The following SWT1 variants were observed in gnomAD, a reference collection of about 807,000 sequenced individuals.
SWT1 encodes the protein SWT1 RNA endoribonuclease homolog.
In SWT1, 33 loss-of-function variants were observed where a neutral mutation model predicts 107.3. The ratio of observed to expected loss-of-function variants is 0.31; its 90% CI spans 0.23 to 0.41. The LOEUF (loss-of-function observed/expected upper bound fraction) is 0.41, where lower values mean the gene tolerates loss of function less well. Ranked by LOEUF, SWT1 falls within the 10% of genes least tolerant of loss-of-function variation. The probability of loss-of-function intolerance (pLI) is 1.00; values close to 1 mark genes in which losing one functional copy is unlikely to be tolerated. For missense variants in SWT1, 898 were observed against 1,028.9 expected (o/e 0.87, Z 1.74); for synonymous variants, 345 against 348.3 (o/e 0.99, Z 0.11).
chr1:185,184,773 G>A lies in SWT1; in HGVS notation c.1271G>A (p.Trp424Ter), dbSNP rs755635561. 6.2e-7 allele frequency: 1 copy of A among 1,609,810 alleles called. No homozygotes were observed. The highest frequency in any genetic ancestry group is 8.5e-7 in the Non-Finnish European group (1 of 1,178,362). Residue 424 changes from tryptophan (W) to a stop codon, truncating the protein, a stop_gained, in exon 9 of 19, where the codon TGG becomes TAG. Transcript: ENST00000367500. LOFTEE classifies it high-confidence loss of function. Reference sequence around the variant, plus strand: ...GACAAACTTGTGTTAATAATTCCCTGGGTCGTTATGCAAGAGCTAGATCGT... The same window carrying A: ...GACAAACTTGTGTTAATAATTCCCTAGGTCGTTATGCAAGAGCTAGATCGT... Reference protein sequence around the residue: ...GFDKLVLIIPWVVMQELDRMK... With the variant: ...GFDKLVLIIP
At chr1:185,290,024 G>C (rs1049732936) in intron 18 of SWT1, among the ~76,000 whole-genome samples, 4 of 152,096 alleles carry the variant, frequency 2.6e-5, no homozygotes, top group African/African-American at 7.2e-5. Flanking sequence ...CAACACTTTT[G>C]GAGGCTAACA....
At position 185,175,062 on chromosome 1, in the gene SWT1, T is replaced by G; in HGVS notation, c.915T>G (p.His305Gln). The G allele has an allele frequency of 6.3e-7, 1 of 1,588,452 alleles. No individual in the cohort carries two copies. The highest frequency in any genetic ancestry group is 8.6e-7 in the Non-Finnish European group (1 of 1,169,256). Reference protein sequence around the residue: ...RTVHEWKRKHHYDHQESNDSH... With the variant: ...RTVHEWKRKHQYDHQESNDSH... ...TTCATGAGTGGAAACGAAAACATCA[T>G]TATGACCATCAAGAAAGTAATGATT... Residue 305 changes from histidine (H) to glutamine (Q), a missense_variant, in exon 5 of 19, where the codon CAT becomes CAG. By Grantham distance (24) the His-to-Gln change is conservative. This residue lies in a region of SWT1 where 382 missense variants were observed against 362.4 expected (regional missense o/e 1.05). Transcript: ENST00000367500.
rs571450391 is a variant in SWT1 at position 185,269,410 on chromosome 1, G to C, written c.2442-1913G>C. ...TTTTGTATTTTAAAATTACTTGTTG[G>C]GAGAAAAACTTTTTCTATGAAATAG... On this transcript the variant is annotated intron_variant, in intron 16 of 18. Coordinates refer to ENST00000367500, the MANE Select transcript of SWT1 (RefSeq NM_017673.7). Among the ~76,000 whole-genome samples, 4 of 145,158 alleles carry C rather than the reference G, an allele frequency of 2.8e-5. No homozygotes were observed. In the East Asian group the frequency reaches 8.3e-4, roughly 30 times the overall value.
Position 185,174,390 on chromosome 1 carries a change from C to A in SWT1, c.243C>A (p.Asp81Glu). ...TTTACAGATTGAGTGTAGAAATTGA[C>A]ACTCTCAGAAGGAGACCAAAAATCG... is the stretch of plus-strand genomic sequence containing the variant. ...QGLKRLSVEI[D>E]TLRRRPKIGS... Residue 81 changes from aspartate (D) to glutamate (E), a missense_variant, in exon 5 of 19, where the codon GAC becomes GAA. By Grantham distance (45) the Asp-to-Glu change is conservative. Transcript: ENST00000367500. The A allele has an allele frequency of 6.4e-7, 1 of 1,550,410 alleles. No individual in the cohort carries two copies.
At chr1:185,162,602 C>T (rs569124527) in intron 2 of SWT1, among the ~76,000 whole-genome samples, 2 of 152,182 alleles carry the variant, frequency 1.3e-5, no homozygotes, top group East Asian at 3.9e-4. Context: ...TCCTTGTGAT[C>T]GTGCTCTACC....
chr1:185,158,490 A>G (rs1430243706), intron 1 of SWT1, among the ~76,000 whole-genome samples: 13 of 151,694 alleles, frequency 8.6e-5, no homozygotes, highest in Admixed American at 7.2e-4. Context: ...GCATCATCCA[A>G]TAATTCTTGT....
At chr1:185,280,868 G>T (rs535466021) in intron 18 of SWT1, 4 of 452,230 alleles carry the variant, frequency 8.8e-6, no homozygotes, top group African/African-American at 8.0e-5. Context: ...GGTGCAGAAG[G>T]TGGTGGTCTA....
intron 16 of SWT1, among the ~76,000 whole-genome samples, chr1:185,265,201 A>C (rs1027992132): frequency 4.6e-4 from 70 of 152,132 alleles, no homozygotes; most frequent in Non-Finnish European, 7.4e-5. Flanking sequence ...GCAAATTTTT[A>C]TCTCTGAAGG....
Position 185,252,751 on chromosome 1 carries a change from T to TAC in SWT1, c.2442-18571_2442-18570insCA, listed in dbSNP as rs1459660455. On this transcript the variant is annotated intron_variant, in intron 16 of 18. Coordinates refer to ENST00000367500, the MANE Select transcript of SWT1 (RefSeq NM_017673.7). ...GTAGGTTGCCTGTTCACTCTGTTGG[T>TAC]AGTTTCTTTTGCTGTACAGAAGCTC... is the stretch of plus-strand genomic sequence containing the variant. Among the ~76,000 whole-genome samples the TAC allele has an allele frequency of 1.1e-4, 16 of 152,350 alleles. No homozygotes were observed. The East Asian group carries it at 2.7e-3, about 26-fold the overall frequency.
intron 16 of SWT1, among the ~76,000 whole-genome samples, chr1:185,268,891 T>C (rs1258435633): frequency 1.1e-4 from 17 of 151,266 alleles, no homozygotes; most frequent in Non-Finnish European, 2.2e-4. Context: ...GTCGCTCTTT[T>C]GCCCAGGCTT....
At chr1:185,253,158 C>A (rs1335449603) in intron 16 of SWT1, among the ~76,000 whole-genome samples, 1 of 144,982 alleles carries the variant, frequency 6.9e-6, no homozygotes, top group Non-Finnish European at 1.5e-5. Context: ...GTTTTGGTAC[C>A]AGTACCATGC....
chr1:185,266,343 C>T (rs962297225), intron 16 of SWT1, among the ~76,000 whole-genome samples: 3 of 152,220 alleles, frequency 2.0e-5, no homozygotes, highest in South Asian at 2.1e-4. Flanking sequence ...GGATTACAGG[C>T]GTGAGCCACC....
intron 4 of SWT1, among the ~76,000 whole-genome samples, chr1:185,170,180 A>G (rs1654926502): frequency 6.6e-6 from 1 of 152,198 alleles, no homozygotes; most frequent in Non-Finnish European, 1.5e-5. Flanking sequence ...GTGGAAACCA[A>G]CTGTAGGCAA....
rs183577911 is a variant in SWT1 at position 185,266,265 on chromosome 1, C to T, written c.2442-5058C>T. On this transcript the variant is annotated intron_variant, in intron 16 of 18. Transcript: ENST00000367500. ...ATTTTTAGTAGACACGGGGTTTCAC[C>T]GTGTTAGCCAGGATGGTCTCGATCT... Among the ~76,000 whole-genome samples, 127 of 152,212 alleles carry T rather than the reference C, an allele frequency of 8.3e-4. 1 individual carries two copies. Among genetic ancestry groups the T allele is most frequent in the East Asian group, 1.4e-3 (7 of 5,172 alleles).
intron 14 of SWT1, among the ~76,000 whole-genome samples, chr1:185,220,948 C>T (rs1163384546): frequency 6.6e-6 from 1 of 152,080 alleles, no homozygotes; most frequent in East Asian, 1.9e-4. Context: ...GTATTGCTTC[C>T]GAGTATTTGT....
chr1:185,185,464 A>G (rs1656389594), intron 9 of SWT1, among the ~76,000 whole-genome samples: 1 of 152,022 alleles, frequency 6.6e-6, no homozygotes, highest in African/African-American at 2.4e-5. Flanking sequence ...GATGTTCTTT[A>G]TGTTTTATAT....
chr1:185,175,059 T>C lies in SWT1; in HGVS notation c.912T>C (p.His304=), dbSNP rs762925211. Residue 304 remains histidine (H), a synonymous_variant, in exon 5 of 19, where the codon CAT becomes CAC. Transcript: ENST00000367500. Reference sequence around the variant, plus strand: ...CTGTTCATGAGTGGAAACGAAAACATCATTATGACCATCAAGAAAGTAATG... The same window carrying C: ...CTGTTCATGAGTGGAAACGAAAACACCATTATGACCATCAAGAAAGTAATG... ...KRTVHEWKRK[H]HYDHQESNDS... 6.3e-7 allele frequency: 1 copy of C among 1,590,404 alleles called. No homozygotes were observed. The highest frequency in any genetic ancestry group is 1.2e-5 in the South Asian group (1 of 86,168).
intron 16 of SWT1, chr1:185,264,402 A>C (rs1483810363): frequency 3.3e-5 from 33 of 985,114 alleles, no homozygotes; most frequent in Non-Finnish European, 3.7e-5. Context: ...ACAAGTCCCC[A>C]AACAGCTTGA....
intron 5 of SWT1, among the ~76,000 whole-genome samples, chr1:185,176,037 C>G (rs1280811371): frequency 6.6e-6 from 1 of 152,042 alleles, no homozygotes; most frequent in Non-Finnish European, 1.5e-5. Flanking sequence ...CGCCTGTAAT[C>G]CCAGTGTTTT....
Sources: allele counts gnomAD v4.1 joint callset (sites outside exome capture counted in the v4.1 genomes callset), GRCh38; gene constraint gnomAD v4.1.1; regional missense constraint gnomAD v4.1.1; transcripts MANE v1.5; gene names NCBI Gene and HGNC (gene_info 2026-07-23, HGNC 2026-07-21).